MANBA: variants seen among roughly 807,000 people sequenced by gnomAD.
MANBA encodes beta-mannosidase.
A neutral mutation model predicts 111.1 loss-of-function variants in MANBA; 83 were observed. The observed-to-expected ratio is 0.75, with a 90% confidence interval of 0.63 to 0.90. The LOEUF (loss-of-function observed/expected upper bound fraction) is 0.90. MANBA is among the 40% of genes least tolerant of loss of function. The pLI is 0.00. For missense variants in MANBA, 1,036 were observed against 1,069.0 expected, an observed-to-expected ratio of 0.97 and a Z score of 0.43; for synonymous variants, 370 against 378.7, an observed-to-expected ratio of 0.98 and a Z score of 0.27.
chr4:102,715,238 C>T (rs994874942), intron 4 of MANBA, among the ~76,000 whole-genome samples: 4 of 152,216 alleles, frequency 2.6e-5, no homozygotes, highest in African/African-American at 9.6e-5. Flanking sequence ...GCCTCTGTGT[C>T]ATGGGGCAGC....
chr4:102,731,775 G>T (rs1276303226), intron 1 of MANBA, among the ~76,000 whole-genome samples: 1 of 151,912 alleles, frequency 6.6e-6, no homozygotes, highest in Non-Finnish European at 1.5e-5. Flanking sequence ...TACTGAACGT[G>T]TTTGCTAACC....
chr4:102,657,737 C>T lies in MANBA; in HGVS notation c.1649G>A (p.Arg550Gln), dbSNP rs745958233. 1.5e-5 allele frequency: 24 copies of T among 1,613,738 alleles called. No homozygotes were observed. Among genetic ancestry groups the T allele is most frequent in the East Asian group, 2.2e-5 (1 of 44,884 alleles). Residue 550 changes from arginine to glutamine, a missense_variant, in exon 12 of 17, where the codon CGA becomes CAA. Physicochemically the swap from Arg to Gln is conservative, Grantham distance 43 (BLOSUM62 1). Transcript: ENST00000647097. ...CTGATATCCATATTCAGATGCAAAT[C>T]GAGCTTTTGGGAAAACTTTCCAGTT... ...CWNWKVFPKA[R>Q]FASEYGYQSW... is the part of the protein sequence containing the mutation.
intron 1 of MANBA, 145 bp downstream of exon 1, chr4:102,760,573 C>A (rs560564325): frequency 1.1e-6 from 1 of 935,588 alleles, no homozygotes; most frequent in African/African-American, 1.7e-5. Flanking sequence ...CATTTCCCCC[C>A]GCAGATCACA....
intron 1 of MANBA, among the ~76,000 whole-genome samples, chr4:102,760,171 C>T (rs1278453652): frequency 6.6e-6 from 1 of 152,154 alleles, no homozygotes; most frequent in Non-Finnish European, 1.5e-5. Flanking sequence ...ATTATTTACC[C>T]GTTGTTAGCC....
chr4:102,716,224 G>C lies in MANBA; in HGVS notation c.550-1663C>G, dbSNP rs151144120. ...CTCAAGAGGCTCAGGCAGGAGAATC[G>C]CTTGAACCCGGGAGGCGGAGGTTAT... On this transcript the variant is annotated intron_variant, in intron 4 of 16. Coordinates refer to ENST00000647097, the MANE Select transcript of MANBA (RefSeq NM_005908.4). 2.7e-3 allele frequency among the ~76,000 whole-genome samples: 393 copies of C among 146,190 alleles called. 3 individuals carry two copies. The highest frequency in any genetic ancestry group is 4.1e-3 in the Non-Finnish European group (277 of 67,498).
intron 13 of MANBA, among the ~76,000 whole-genome samples, chr4:102,649,327 C>T (rs948454497): frequency 1.3e-5 from 2 of 152,106 alleles, no homozygotes; most frequent in Non-Finnish European, 2.9e-5. Flanking sequence ...TAGAAACTGC[C>T]ATAAAATTTT....
chr4:102,727,552 A>G, intron 1 of MANBA: 3 of 1,605,576 alleles, frequency 1.9e-6, no homozygotes, highest in Non-Finnish European at 2.6e-6. Flanking sequence ...CTGAATTTCA[A>G]ACTGATCACC....
At chr4:102,676,475 T>C (rs1402064266) in intron 7 of MANBA, among the ~76,000 whole-genome samples, 1 of 151,990 alleles carries the variant, frequency 6.6e-6, no homozygotes, top group Non-Finnish European at 1.5e-5. Context: ...GAATGCTTAC[T>C]AGATGAAAAG....
intron 5 of MANBA, among the ~76,000 whole-genome samples, chr4:102,701,966 G>A (rs1238555326): frequency 6.6e-6 from 1 of 151,910 alleles, no homozygotes; most frequent in South Asian, 2.1e-4. Context: ...TTCCAACTTG[G>A]TTCCATTCTC....
chr4:102,677,900 A>T (rs1022184675), intron 7 of MANBA, among the ~76,000 whole-genome samples: 1 of 152,174 alleles, frequency 6.6e-6, no homozygotes, highest in Non-Finnish European at 1.5e-5. Flanking sequence ...TATTATGGTT[A>T]TTTAAAATGA....
At chr4:102,738,647 T>C (rs1371028174) in intron 1 of MANBA, among the ~76,000 whole-genome samples, 1 of 152,128 alleles carries the variant, frequency 6.6e-6, no homozygotes, top group Non-Finnish European at 1.5e-5. Flanking sequence ...TCTACCCAAA[T>C]GAGAAGGAAC....
intron 8 of MANBA, 40 bp downstream of exon 8, chr4:102,673,879 T>C: frequency 6.4e-7 from 1 of 1,566,434 alleles, no homozygotes; most frequent in Non-Finnish European, 8.8e-7. Flanking sequence ...GCGGGACTGC[T>C]AATTAAAAGA....
intron 5 of MANBA, among the ~76,000 whole-genome samples, chr4:102,699,917 A>T (rs1732935354): frequency 1.3e-5 from 2 of 151,636 alleles, no homozygotes; most frequent in African/African-American, 4.8e-5. Context: ...TGATTGGAAT[A>T]GTTTCAGAAG....
At chr4:102,729,903 T>C (rs1722965121) in intron 1 of MANBA, 3 of 1,524,968 alleles carry the variant, frequency 2.0e-6, no homozygotes, top group Admixed American at 3.3e-5. Context: ...CTGCTTCTCC[T>C]GGGTGCGCAC....
chr4:102,747,978 G>T (rs1723647120), intron 1 of MANBA, among the ~76,000 whole-genome samples: 1 of 152,202 alleles, frequency 6.6e-6, no homozygotes, highest in Admixed American at 6.5e-5. Flanking sequence ...TGAAAGGTTA[G>T]AATAAATGCC....
chr4:102,745,692 C>A (rs1723561051), intron 1 of MANBA, among the ~76,000 whole-genome samples: 1 of 152,178 alleles, frequency 6.6e-6, no homozygotes. Flanking sequence ...TTTTTTAACT[C>A]CCTGAGCTGC....
chr4:102,656,349 C>T (rs959671629), intron 12 of MANBA, among the ~76,000 whole-genome samples: 1 of 152,008 alleles, frequency 6.6e-6, no homozygotes, highest in African/African-American at 2.4e-5. Flanking sequence ...AAATGCTCAA[C>T]ATGATTAGCC....
intron 5 of MANBA, among the ~76,000 whole-genome samples, chr4:102,693,429 T>A (rs972698398): frequency 6.6e-6 from 1 of 152,182 alleles, no homozygotes; most frequent in Non-Finnish European, 1.5e-5. Context: ...TGCAGCCTTA[T>A]AAGAAGAGGA....
chr4:102,687,831 T>C (rs1257073372), intron 7 of MANBA, among the ~76,000 whole-genome samples: 2 of 152,188 alleles, frequency 1.3e-5, no homozygotes, highest in African/African-American at 4.8e-5. Context: ...CCTAGCAAAA[T>C]AGCCAAAACA....
Sources: gnomAD v4.1 joint callset for allele counts (sites outside exome capture counted in the v4.1 genomes callset) on GRCh38, gnomAD v4.1.1 for gene constraint, MANE v1.5 for transcripts, NCBI Gene and HGNC (gene_info 2026-07-23, HGNC 2026-07-21) for gene names.